Variants in GFRA1 observed in about 807,000 individuals in gnomAD.
GFRA1 encodes the protein GDNF family receptor alpha-1.
GFRA1 carries 16 observed loss-of-function variants against 51.6 expected under a neutral mutation model. The observed-to-expected ratio is 0.31, with a 90% CI of 0.21 to 0.47. GFRA1 has a LOEUF of 0.47. GFRA1 is among the 20% of genes least tolerant of loss of function. The pLI is 1.00. For synonymous variants in GFRA1, 270 were observed against 241.3 expected (o/e 1.12, Z -1.10); for missense variants, 530 against 594.3 (o/e 0.89, Z 1.13).
chr10:116,194,058 ATAAAATTT>A (rs1465188438), intron 5 of GFRA1, among the ~76,000 whole-genome samples: 569 of 50,554 alleles, frequency 0.011, 19 homozygotes, highest in African/African-American at 0.034. Context: ...AAATAAATAA[ATAAAATTT>A]AAAAAAAAAA....
At chr10:116,070,427 C>G (rs1221630984) in intron 9 of GFRA1, among the ~76,000 whole-genome samples, 1 of 152,174 alleles carries the variant, frequency 6.6e-6, no homozygotes, top group Admixed American at 6.5e-5. Flanking sequence ...AGTCCAGAAG[C>G]AGAAGTCCAG....
chr10:116,222,107 T>G (rs891154939), intron 4 of GFRA1, among the ~76,000 whole-genome samples: 1 of 152,066 alleles, frequency 6.6e-6, no homozygotes, highest in African/African-American at 2.4e-5. Context: ...TGAGAGGCGG[T>G]AGAAGGGGAA....
chr10:116,181,037 A>G (rs1406633726), intron 5 of GFRA1, among the ~76,000 whole-genome samples: 3 of 152,160 alleles, frequency 2.0e-5, no homozygotes, highest in Non-Finnish European at 4.4e-5. Flanking sequence ...CCTGGTAGAG[A>G]GTCAATTTTG....
intron 5 of GFRA1, among the ~76,000 whole-genome samples, chr10:116,180,786 C>T (rs966408262): frequency 6.6e-6 from 1 of 152,134 alleles, no homozygotes; most frequent in African/African-American, 2.4e-5. Flanking sequence ...TCTGGGTTTC[C>T]ACCACCCCTC....
chr10:116,235,601 C>T (rs913405923), intron 4 of GFRA1, among the ~76,000 whole-genome samples: 2 of 152,096 alleles, frequency 1.3e-5, no homozygotes, highest in Non-Finnish European at 2.9e-5. Flanking sequence ...CCAGCAAATG[C>T]CCCTCCCTAA....
At chr10:116,127,024 T>C (rs910355916) in intron 5 of GFRA1, among the ~76,000 whole-genome samples, 1 of 151,514 alleles carries the variant, frequency 6.6e-6, no homozygotes, top group Non-Finnish European at 1.5e-5. Context: ...ATTCCACGTA[T>C]AGGAGGAATC....
chr10:116,200,930 A>G (rs1420468554), intron 5 of GFRA1, among the ~76,000 whole-genome samples: 3 of 152,368 alleles, frequency 2.0e-5, no homozygotes, highest in Non-Finnish European at 2.9e-5. Flanking sequence ...CCTGGCACAC[A>G]GTAAGTCAGT....
chr10:116,086,880 C>T (rs936482591), intron 9 of GFRA1, among the ~76,000 whole-genome samples: 8 of 152,174 alleles, frequency 5.3e-5, no homozygotes, highest in African/African-American at 1.7e-4. Context: ...TGCAGTGGTG[C>T]AATCACGGCT....
Position 116,242,574 on chromosome 10 carries a change from C to T in GFRA1, c.418+26929G>A, listed in dbSNP as rs541559858. ...TTGGCTCACTGCAACCTCTGACTCC[C>T]GGGTTCAAGCAATTCTTCTGCCTCA... On this transcript the variant is annotated intron_variant, in intron 4 of 10. Coordinates refer to ENST00000355422, the MANE Select transcript of GFRA1 (RefSeq NM_005264.8). Among the ~76,000 whole-genome samples, 43 of 152,040 alleles carry T rather than the reference C, an allele frequency of 2.8e-4. 1 individual carries two copies. The highest frequency in any genetic ancestry group is 1.9e-3 in the South Asian group (9 of 4,812).
intron 5 of GFRA1, among the ~76,000 whole-genome samples, chr10:116,126,222 T>C (rs10510013): frequency 0.23 from 34,639 of 152,246 alleles, 3,965 homozygotes; most frequent in Middle Eastern, 0.26. Flanking sequence ...ACGTGGGCTC[T>C]ATGAGTACTG....
intron 5 of GFRA1, among the ~76,000 whole-genome samples, chr10:116,143,583 C>G (rs777062081): frequency 2.0e-4 from 30 of 152,072 alleles, no homozygotes; most frequent in Non-Finnish European, 3.7e-4. Flanking sequence ...CAACTGCTAC[C>G]TGAATGTTAT....
At chr10:116,166,045 A>G (rs7083223) in intron 5 of GFRA1, among the ~76,000 whole-genome samples, 150,685 of 152,314 alleles carry the variant, frequency 0.99, 74,553 homozygotes, top group South Asian at 1. Flanking sequence ...GAGAACATGC[A>G]GTATTTGGTT....
At chr10:116,179,026 C>T (rs2420246) in intron 5 of GFRA1, among the ~76,000 whole-genome samples, 83,380 of 151,974 alleles carry the variant, frequency 0.55, 23,037 homozygotes, top group Middle Eastern at 0.67. Context: ...ACTGCTGGTG[C>T]GCACGGTGTA....
intron 4 of GFRA1, among the ~76,000 whole-genome samples, chr10:116,235,238 A>G (rs552700351): frequency 5.9e-5 from 9 of 152,302 alleles, no homozygotes; most frequent in African/African-American, 2.2e-4. Flanking sequence ...GGGAAGACAC[A>G]TGTGGCTGAA....
chr10:116,198,788 G>A (rs1012743532), intron 5 of GFRA1, among the ~76,000 whole-genome samples: 3 of 152,156 alleles, frequency 2.0e-5, no homozygotes, highest in Non-Finnish European at 2.9e-5. Flanking sequence ...TCCATCTGTA[G>A]TGGTTGAATA....
chr10:116,111,844 G>A (rs1957225342), intron 6 of GFRA1, among the ~76,000 whole-genome samples: 2 of 152,210 alleles, frequency 1.3e-5, no homozygotes, highest in Non-Finnish European at 2.9e-5. Flanking sequence ...CGGCCCCAGA[G>A]CAAAGGCGCC....
intron 5 of GFRA1, among the ~76,000 whole-genome samples, chr10:116,128,197 C>T (rs1377660103): frequency 6.6e-6 from 1 of 152,200 alleles, no homozygotes; most frequent in African/African-American, 2.4e-5. Flanking sequence ...ATAATATTAT[C>T]TCTTACACTC....
chr10:116,264,282 T>C (rs911379176), intron 4 of GFRA1, among the ~76,000 whole-genome samples: 1 of 152,160 alleles, frequency 6.6e-6, no homozygotes, highest in African/African-American at 2.4e-5. Context: ...TCAAGCACTG[T>C]GACTCTGTCC....
At chr10:116,072,381 T>C (rs914935599) in intron 9 of GFRA1, among the ~76,000 whole-genome samples, 5 of 152,154 alleles carry the variant, frequency 3.3e-5, no homozygotes, top group Non-Finnish European at 4.4e-5. Context: ...TATGGCGAGC[T>C]GGCTAAATGA....
Sources: gnomAD v4.1 joint callset for allele counts (sites outside exome capture counted in the v4.1 genomes callset) on GRCh38, gnomAD v4.1.1 for gene constraint, MANE v1.5 for transcripts, NCBI Gene and HGNC (gene_info 2026-07-23, HGNC 2026-07-21) for gene names.